Variants in CSMD1 observed in about 807,000 individuals in gnomAD.
CSMD1 encodes the protein CUB and Sushi multiple domains 1.
Under a neutral mutation model 417.5 loss-of-function variants are expected in CSMD1, and 213 were observed. The ratio of observed to expected loss-of-function variants is 0.51; its 90% CI spans 0.46 to 0.57. The LOEUF is 0.57. Ranked by LOEUF, CSMD1 falls within the 20% of genes least tolerant of loss-of-function variation. The pLI, the probability that CSMD1 is intolerant of heterozygous loss-of-function variation, is 0.00. For missense variants in CSMD1, 6,923 were observed against 4,529.7 expected, an observed-to-expected ratio of 1.53 and a Z score of -15.17; for synonymous variants, 2,862 against 1,736.8, an observed-to-expected ratio of 1.65 and a Z score of -16.11.
chr8:4,968,801 C>T (rs545971946), intron 1 of CSMD1, among the ~76,000 whole-genome samples: 1 of 152,250 alleles, frequency 6.6e-6, no homozygotes, highest in South Asian at 2.1e-4. Flanking sequence ...GAAAGTCTGG[C>T]AGTTGCATCT....
intron 17 of CSMD1, among the ~76,000 whole-genome samples, chr8:3,393,666 T>C (rs1216779795): frequency 6.6e-6 from 1 of 151,914 alleles, no homozygotes; most frequent in East Asian, 1.9e-4. Context: ...ACCATAAAAA[T>C]TGATGAGTTC....
intron 3 of CSMD1, among the ~76,000 whole-genome samples, chr8:4,298,153 A>G (rs1167936371): frequency 1.3e-5 from 2 of 152,150 alleles, no homozygotes; most frequent in African/African-American, 4.8e-5. Flanking sequence ...GTATAGAAGA[A>G]AAGTTTAGAA....
intron 2 of CSMD1, among the ~76,000 whole-genome samples, chr8:4,435,089 C>T (rs573909588): frequency 1.3e-5 from 2 of 151,828 alleles, no homozygotes; most frequent in South Asian, 2.1e-4. Flanking sequence ...AAAATGGAAG[C>T]CATTAACAGT....
intron 1 of CSMD1, among the ~76,000 whole-genome samples, chr8:4,730,406 T>G (rs1011866829): frequency 6.6e-6 from 1 of 151,972 alleles, no homozygotes; most frequent in Non-Finnish European, 1.5e-5. Flanking sequence ...TAAAAAGTAG[T>G]TGAGTTAGGT....
intron 4 of CSMD1, among the ~76,000 whole-genome samples, chr8:4,010,633 C>G (rs1223294709): frequency 3.3e-5 from 5 of 152,090 alleles, no homozygotes; most frequent in Admixed American, 3.3e-4. Context: ...CTTACCCAAA[C>G]ACCTAAACTC....
Position 3,591,172 on chromosome 8 carries a change from C to T in CSMD1, c.1098-4912G>A, listed in dbSNP as rs142406846. ...ACCGATTTTGTGTAAGATCAAGATA[C>T]ATGGTACATTGACAATAAATATCAC... is the stretch of plus-strand genomic sequence containing the variant. On this transcript the variant is annotated intron_variant, in intron 8 of 69. Transcript: ENST00000635120. Among the ~76,000 whole-genome samples the T allele has an allele frequency of 1.4e-3, 211 of 152,270 alleles. 2 individuals are homozygous for T. The highest frequency in any genetic ancestry group is 4.7e-3 in the African/African-American group (194 of 41,584).
intron 12 of CSMD1, among the ~76,000 whole-genome samples, chr8:3,416,255 A>T (rs1813142244): frequency 7.2e-6 from 1 of 139,154 alleles, no homozygotes; most frequent in Non-Finnish European, 1.5e-5. Flanking sequence ...GTGAACCGGG[A>T]CTGCGCAACT....
intron 23 of CSMD1, among the ~76,000 whole-genome samples, chr8:3,341,630 C>A (rs17320962): frequency 0.17 from 26,150 of 152,058 alleles, 2,758 homozygotes; most frequent in South Asian, 0.26. Flanking sequence ...GGGAGGATCC[C>A]AGGCCAACGT....
intron 3 of CSMD1, among the ~76,000 whole-genome samples, chr8:4,402,813 T>C (rs1804736020): frequency 1.7e-5 from 1 of 59,002 alleles, no homozygotes; most frequent in Non-Finnish European, 3.7e-5. Flanking sequence ...TTTTTTTTTT[T>C]TTTTTTTCTT....
intron 5 of CSMD1, among the ~76,000 whole-genome samples, chr8:3,878,196 T>A (rs1345192324): frequency 6.6e-6 from 1 of 152,164 alleles, no homozygotes; most frequent in African/African-American, 2.4e-5. Context: ...AATTTTGTAG[T>A]TCAGGGATAA....
intron 36 of CSMD1, chr8:3,183,132 T>G (rs944305526): frequency 6.8e-6 from 1 of 146,460 alleles, no homozygotes; most frequent in African/African-American, 2.6e-5. Context: ...ATCGAGTAGG[T>G]CTCTAACGCC....
intron 30 of CSMD1, among the ~76,000 whole-genome samples, chr8:3,213,573 T>C (rs1797729228): frequency 6.6e-6 from 1 of 152,128 alleles, no homozygotes; most frequent in Non-Finnish European, 1.5e-5. Context: ...TCCTAAGGAA[T>C]TACAAACTAT....
chr8:4,209,129 T>G (rs1298502847), intron 3 of CSMD1, among the ~76,000 whole-genome samples: 3 of 152,224 alleles, frequency 2.0e-5, no homozygotes, highest in Non-Finnish European at 2.9e-5. Context: ...CACATCTTCA[T>G]GATTTCTATC....
intron 3 of CSMD1, among the ~76,000 whole-genome samples, chr8:4,236,055 T>TTTTTTTTTTTTTTTTTTTTTTTTG (rs1802038108): frequency 1.2e-5 from 1 of 83,750 alleles, no homozygotes. Context: ...TTTTTTTTTT[T>TTTTTTTTTTTTTTTTTTTTTTTTG]TTTTTTTTTT....
At chr8:3,106,181 T>C (rs1816123265) in intron 46 of CSMD1, among the ~76,000 whole-genome samples, 1 of 148,454 alleles carries the variant, frequency 6.7e-6, no homozygotes, top group African/African-American at 2.5e-5. Flanking sequence ...AGTCCAGAAG[T>C]TCAAGACCAG....
chr8:3,466,447 T>C (rs1047726350), intron 12 of CSMD1, among the ~76,000 whole-genome samples: 3 of 152,118 alleles, frequency 2.0e-5, no homozygotes, highest in East Asian at 3.9e-4. Flanking sequence ...TCTCACTCTG[T>C]TGCCTAGGCT....
chr8:3,058,502 A>C (rs1468932530), intron 49 of CSMD1, among the ~76,000 whole-genome samples: 4 of 152,232 alleles, frequency 2.6e-5, no homozygotes, highest in African/African-American at 9.6e-5. Flanking sequence ...CTAATTGCTG[A>C]CAAATGGTTT....
At chr8:3,391,726 T>C (rs1182507793) in intron 17 of CSMD1, among the ~76,000 whole-genome samples, 1 of 152,204 alleles carries the variant, frequency 6.6e-6, no homozygotes, top group Non-Finnish European at 1.5e-5. Flanking sequence ...CATTGCCTTG[T>C]AGCACCGCTG....
intron 21 of CSMD1, among the ~76,000 whole-genome samples, chr8:3,350,833 C>G (rs895983031): frequency 1.3e-5 from 2 of 150,876 alleles, no homozygotes; most frequent in African/African-American, 4.9e-5. Context: ...TTTTATTAGC[C>G]TTTGGAATCT....
Sources: gnomAD v4.1 joint callset for allele counts (sites outside exome capture counted in the v4.1 genomes callset) on GRCh38, gnomAD v4.1.1 for gene constraint, MANE v1.5 for transcripts, NCBI Gene and HGNC (gene_info 2026-07-23, HGNC 2026-07-21) for gene names.